TMEM132D: variants seen among roughly 807,000 people sequenced by gnomAD.
TMEM132D encodes the protein mature OL transmembrane protein.
Under a neutral mutation model 62.3 loss-of-function variants are expected in TMEM132D, and 21 were observed. That is an observed-to-expected ratio of 0.34 (90% CI 0.24 to 0.49). TMEM132D has a LOEUF of 0.49. Among genes scored for constraint, TMEM132D ranks in the 20% least tolerant of loss-of-function variants. The probability of loss-of-function intolerance (pLI) is 0.99; values close to 1 mark genes in which losing one functional copy is unlikely to be tolerated. For missense variants in TMEM132D, 1,346 were observed against 1,402.8 expected, an observed-to-expected ratio of 0.96 and a Z score of 0.65; for synonymous variants, 621 against 575.6, an observed-to-expected ratio of 1.08 and a Z score of -1.13.
chr12:129,389,786 TA>T (rs1871245777), intron 3 of TMEM132D, among the ~76,000 whole-genome samples: 1 of 152,174 alleles, frequency 6.6e-6, no homozygotes, highest in African/African-American at 2.4e-5. Context: ...CTCTTTGAAG[TA>T]AGGACTATTA....
At chr12:129,235,620 C>A (rs1593306132) in intron 4 of TMEM132D, among the ~76,000 whole-genome samples, 1 of 152,132 alleles carries the variant, frequency 6.6e-6, no homozygotes, top group Non-Finnish European at 1.5e-5. Context: ...GACATTTAGT[C>A]GGCCTCATTT....
At chr12:129,179,983 G>T (rs1035769709) in intron 5 of TMEM132D, among the ~76,000 whole-genome samples, 1 of 151,498 alleles carries the variant, frequency 6.6e-6, no homozygotes, top group Non-Finnish European at 1.5e-5. Context: ...AGCCAAGCTC[G>T]CATCACAGCA....
At chr12:129,836,006 T>C (rs1207871051) in intron 1 of TMEM132D, among the ~76,000 whole-genome samples, 2 of 152,214 alleles carry the variant, frequency 1.3e-5, no homozygotes, top group African/African-American at 2.4e-5. Context: ...AACATATAAC[T>C]GAAATGAGAA....
intron 4 of TMEM132D, among the ~76,000 whole-genome samples, chr12:129,282,013 C>T (rs1207856786): frequency 1.3e-5 from 2 of 152,158 alleles, no homozygotes; most frequent in African/African-American, 2.4e-5. Flanking sequence ...TTGCCTGATT[C>T]CCTTCCTTGT....
At chr12:129,829,466 G>T (rs1232632328) in intron 1 of TMEM132D, among the ~76,000 whole-genome samples, 1 of 152,058 alleles carries the variant, frequency 6.6e-6, no homozygotes, top group African/African-American at 2.4e-5. Context: ...GGAGAAGTTG[G>T]CACCCAATGC....
At chr12:129,863,393 G>A (rs976536558) in intron 1 of TMEM132D, among the ~76,000 whole-genome samples, 8 of 152,160 alleles carry the variant, frequency 5.3e-5, no homozygotes, top group African/African-American at 1.9e-4. Flanking sequence ...GGTGCAAAGT[G>A]TACAGCATCT....
intron 1 of TMEM132D, among the ~76,000 whole-genome samples, chr12:129,872,037 C>T (rs908515919): frequency 1.3e-5 from 2 of 152,192 alleles, no homozygotes; most frequent in East Asian, 1.9e-4. Context: ...AGCAAAGAGG[C>T]GGCTCCTTAA....
chr12:129,073,781 G>T lies in TMEM132D; in HGVS notation c.*94C>A. 2 of 1,174,364 alleles carry T rather than the reference G, an allele frequency of 1.7e-6. No homozygotes were observed. Among genetic ancestry groups the T allele is most frequent in the Non-Finnish European group, 2.4e-6 (2 of 828,716 alleles). The allele number at this position is 1,174,364 out of a possible 1,614,324, so 72.7% of individuals were successfully genotyped here. A position where few individuals can be genotyped will look rare whatever the true frequency, so the allele number is the denominator to read the frequency against. On this transcript the variant is annotated 3_prime_UTR_variant, in exon 9 of 9. Transcript: ENST00000422113. ...GATAGTGTCATCCTTATTTTGTCCTGCTGCTTTGTTTCTCTTCCGGGGGCA... is the reference window on the plus strand; with the variant it reads ...GATAGTGTCATCCTTATTTTGTCCTTCTGCTTTGTTTCTCTTCCGGGGGCA...
At chr12:129,485,739 C>G (rs1162202475) in intron 3 of TMEM132D, among the ~76,000 whole-genome samples, 1 of 152,224 alleles carries the variant, frequency 6.6e-6, no homozygotes, top group Non-Finnish European at 1.5e-5. Context: ...TCAGCCGAGG[C>G]TGGTTCTTCT....
At chr12:129,396,208 G>A (rs1871425399) in intron 3 of TMEM132D, among the ~76,000 whole-genome samples, 1 of 151,946 alleles carries the variant, frequency 6.6e-6, no homozygotes, top group African/African-American at 2.4e-5. Context: ...TTACGTAAAG[G>A]ACACACATTA....
chr12:129,694,221 G>A (rs1002773157), intron 2 of TMEM132D, among the ~76,000 whole-genome samples: 1 of 152,136 alleles, frequency 6.6e-6, no homozygotes, highest in Non-Finnish European at 1.5e-5. Context: ...TGGGCTGTAC[G>A]CACCCTCGAT....
At chr12:129,294,224 C>A (rs978525203) in intron 4 of TMEM132D, among the ~76,000 whole-genome samples, 1 of 152,162 alleles carries the variant, frequency 6.6e-6, no homozygotes. Context: ...GCCTTGAATA[C>A]GAATGATGGG....
chr12:129,719,083 G>GAAAAAAAAAAAA (rs59987335), intron 1 of TMEM132D, among the ~76,000 whole-genome samples: 5 of 99,220 alleles, frequency 5.0e-5, no homozygotes, highest in African/African-American at 1.4e-4. Flanking sequence ...CAAAAAAAAT[G>GAAAAAAAAAAAA]AAAAAAAAAA....
chr12:129,811,235 C>T lies in TMEM132D; in HGVS notation c.79+92026G>A, dbSNP rs1017224282. On this transcript the variant is annotated intron_variant, in intron 1 of 8. Transcript: ENST00000422113. The stretch of plus-strand genomic sequence containing the variant: ...AATATTATAAAGATATCAATTCTCT[C>T]CTAAGGCAATCTGTATGCCCAACAC... Among the ~76,000 whole-genome samples, 10 of 151,700 alleles carry T rather than the reference C, an allele frequency of 6.6e-5. 1 individual carries two copies. The East Asian group carries it at 2.0e-3, about 30-fold the overall frequency.
At chr12:129,095,504 AC>A (rs1397684448) in intron 5 of TMEM132D, among the ~76,000 whole-genome samples, 4 of 152,032 alleles carry the variant, frequency 2.6e-5, no homozygotes, top group Admixed American at 2.6e-4. Flanking sequence ...GGTGAGCATC[AC>A]CACAACCGGC....
intron 2 of TMEM132D, among the ~76,000 whole-genome samples, chr12:129,536,061 C>T (rs1048802263): frequency 2.0e-5 from 3 of 152,114 alleles, no homozygotes; most frequent in Non-Finnish European, 2.9e-5. Flanking sequence ...AAGGAAGATA[C>T]GAAGAGATCC....
chr12:129,400,671 C>T (rs1158194881), intron 3 of TMEM132D, among the ~76,000 whole-genome samples: 3 of 152,188 alleles, frequency 2.0e-5, no homozygotes, highest in Non-Finnish European at 4.4e-5. Flanking sequence ...CCAATTTACT[C>T]AACACCACCA....
At chr12:129,595,726 G>A (rs187156610) in intron 2 of TMEM132D, among the ~76,000 whole-genome samples, 6 of 152,340 alleles carry the variant, frequency 3.9e-5, no homozygotes, top group African/African-American at 1.4e-4. Flanking sequence ...GATGATAGGT[G>A]TGTGGAACAG....
intron 2 of TMEM132D, among the ~76,000 whole-genome samples, chr12:129,606,504 C>T (rs780221558): frequency 2.0e-5 from 3 of 152,056 alleles, no homozygotes; most frequent in Admixed American, 1.3e-4. Context: ...TGGCAAGTAA[C>T]GTAGCAACGA....
Sources: allele counts gnomAD v4.1 joint callset (sites outside exome capture counted in the v4.1 genomes callset), GRCh38; gene constraint gnomAD v4.1.1; transcripts MANE v1.5; gene names NCBI Gene and HGNC (gene_info 2026-07-23, HGNC 2026-07-21).